Variants in ATP10B observed in about 807,000 individuals in gnomAD.
The protein encoded by ATP10B is ATPase phospholipid transporting 10B (putative), also known as phospholipid-transporting ATPase VB.
A neutral mutation model predicts 141.2 loss-of-function variants in ATP10B; 122 were observed. The observed-to-expected ratio is 0.86, with a 90% CI of 0.75 to 1.00. The LOEUF (loss-of-function observed/expected upper bound fraction) is 1.00. Ranked by LOEUF, ATP10B falls within the 50% of genes least tolerant of loss-of-function variation. The pLI is 0.00. For missense variants in ATP10B, 1,876 were observed against 1,825.3 expected, an observed-to-expected ratio of 1.03 and a Z score of -0.51; for synonymous variants, 685 against 692.0, an observed-to-expected ratio of 0.99 and a Z score of 0.16.
intron 2 of ATP10B, among the ~76,000 whole-genome samples, chr5:160,777,088 G>A (rs1189394256): frequency 1.3e-5 from 2 of 152,174 alleles, no homozygotes; most frequent in Non-Finnish European, 2.9e-5. Flanking sequence ...GAGAGGGATA[G>A]GATCTTTGAG....
intron 24 of ATP10B, among the ~76,000 whole-genome samples, chr5:160,571,181 G>A (rs1754854189): frequency 6.6e-6 from 1 of 151,894 alleles, no homozygotes; most frequent in African/African-American, 2.4e-5. Flanking sequence ...TTCTTTCTGA[G>A]ACTCTGATTA....
chr5:160,902,574 G>A, the ATP10B span, among the ~76,000 whole-genome samples: 12 of 152,116 alleles, frequency 7.9e-5, no homozygotes, highest in Non-Finnish European at 1.8e-4. Flanking sequence ...TCTTGAAGTC[G>A]GTTCTGAGAG....
intron 3 of ATP10B, among the ~76,000 whole-genome samples, chr5:160,694,598 T>C (rs987930646): frequency 6.6e-6 from 1 of 152,240 alleles, no homozygotes; most frequent in African/African-American, 2.4e-5. Flanking sequence ...CCACGTTACC[T>C]GGCTCACATT....
chr5:160,753,314 C>G (rs1048374901), intron 2 of ATP10B, among the ~76,000 whole-genome samples: 2 of 151,660 alleles, frequency 1.3e-5, no homozygotes, highest in African/African-American at 2.4e-5. Flanking sequence ...GTAGATGGCA[C>G]TCTGCTCGTT....
At chr5:160,825,903 G>T (rs1366913201) in intron 1 of ATP10B, among the ~76,000 whole-genome samples, 2 of 152,202 alleles carry the variant, frequency 1.3e-5, no homozygotes, top group Admixed American at 6.5e-5. Flanking sequence ...GTGAGAACGT[G>T]CAGTATTTGT....
intron 1 of ATP10B, among the ~76,000 whole-genome samples, chr5:160,823,678 C>CA (rs1774346972): frequency 1.3e-5 from 2 of 151,954 alleles, no homozygotes; most frequent in Non-Finnish European, 2.9e-5. Context: ...ACTAAAGATA[C>CA]AAAAAATTAG....
chr5:160,773,794 G>C (rs2127861879), intron 2 of ATP10B, among the ~76,000 whole-genome samples: 1 of 152,198 alleles, frequency 6.6e-6, no homozygotes, highest in African/African-American at 2.4e-5. Context: ...CAAGGTATGT[G>C]GATATTCCTA....
chr5:160,818,689 C>T (rs1438649712), intron 1 of ATP10B, among the ~76,000 whole-genome samples: 1 of 152,200 alleles, frequency 6.6e-6, no homozygotes, highest in East Asian at 1.9e-4. Flanking sequence ...GCTATAAAGA[C>T]ACATACACAA....
At chr5:160,703,699 A>C (rs1374757302) in intron 3 of ATP10B, among the ~76,000 whole-genome samples, 1 of 152,128 alleles carries the variant, frequency 6.6e-6, no homozygotes, top group Non-Finnish European at 1.5e-5. Flanking sequence ...GCCTGACCTC[A>C]GGTGATCCAT....
At chr5:160,890,890 T>C in the ATP10B span, among the ~76,000 whole-genome samples, 1 of 152,188 alleles carries the variant, frequency 6.6e-6, no homozygotes, top group African/African-American at 2.4e-5. Flanking sequence ...TTTTTATGTT[T>C]TGTAGAGACA....
intron 2 of ATP10B, among the ~76,000 whole-genome samples, chr5:160,773,297 TGCA>T (rs1156492915): frequency 6.6e-6 from 1 of 152,214 alleles, no homozygotes; most frequent in Non-Finnish European, 1.5e-5. Flanking sequence ...AGACAGGCTT[TGCA>T]ATGGCTTATC....
At chr5:160,885,281 G>A in the ATP10B span, among the ~76,000 whole-genome samples, 2 of 152,348 alleles carry the variant, frequency 1.3e-5, no homozygotes, top group Non-Finnish European at 1.5e-5. Context: ...GCGGATGCAA[G>A]GAGCACACTG....
At chr5:160,908,628 C>T in the ATP10B span, among the ~76,000 whole-genome samples, 5 of 152,182 alleles carry the variant, frequency 3.3e-5, no homozygotes, top group African/African-American at 1.2e-4. Flanking sequence ...TTGAGGATCA[C>T]TTACTCTGCC....
At chr5:160,924,972 G>T in the ATP10B span, among the ~76,000 whole-genome samples, 38 of 152,148 alleles carry the variant, frequency 2.5e-4, no homozygotes, top group Non-Finnish European at 4.1e-4. Flanking sequence ...GGTCAATCTG[G>T]TGAAATCCTA....
the ATP10B span, among the ~76,000 whole-genome samples, chr5:160,918,945 G>A: frequency 6.6e-6 from 1 of 151,228 alleles, no homozygotes; most frequent in African/African-American, 2.4e-5. Flanking sequence ...CAGGGAGTGG[G>A]CCGGGCGCGG....
At chr5:160,738,165 TAAAC>T (rs987606527) in intron 2 of ATP10B, among the ~76,000 whole-genome samples, 23 of 152,232 alleles carry the variant, frequency 1.5e-4, no homozygotes, top group African/African-American at 5.5e-4. Context: ...ATTTGAAAAT[TAAAC>T]AATCTACTTC....
Position 160,636,434 on chromosome 5 carries a change from A to G in ATP10B, c.1001-125T>C, listed in dbSNP as rs1293507132. 3 of 987,816 alleles carry G rather than the reference A, an allele frequency of 3.0e-6. No individual in the cohort carries two copies. In the African/African-American group the frequency reaches 4.8e-5, roughly 16 times the overall value. 61.2% of individuals were successfully genotyped at this position (987,816 alleles called of 1,614,324 possible). A position where few individuals can be genotyped will look rare whatever the true frequency, so the allele number is the denominator to read the frequency against. ...TTTGGAGGACCCCTCCTTCTTCCATACAATGTAGCTCTGTGTGTGTGTGTG... is the reference window on the plus strand; with the variant it reads ...TTTGGAGGACCCCTCCTTCTTCCATGCAATGTAGCTCTGTGTGTGTGTGTG... On this transcript the variant is annotated intron_variant, in intron 10 of 25. Transcript: ENST00000327245.
At chr5:160,890,560 T>TTTC in the ATP10B span, among the ~76,000 whole-genome samples, 1 of 152,010 alleles carries the variant, frequency 6.6e-6, no homozygotes, top group Admixed American at 6.6e-5. Context: ...TGTGTCTGGC[T>TTTC]TTCACTTAGC....
At chr5:160,585,028 T>A (rs1755799346) in intron 24 of ATP10B, among the ~76,000 whole-genome samples, 1 of 152,236 alleles carries the variant, frequency 6.6e-6, no homozygotes, top group African/African-American at 2.4e-5. Context: ...ATCCAGGCAA[T>A]ACATCCAGAT....
Sources: gnomAD v4.1 joint callset for allele counts (sites outside exome capture counted in the v4.1 genomes callset) on GRCh38, gnomAD v4.1.1 for gene constraint, MANE v1.5 for transcripts, NCBI Gene and HGNC (gene_info 2026-07-23, HGNC 2026-07-21) for gene names.